The following ARL6IP6 variants were observed in gnomAD, a reference collection of about 807,000 sequenced individuals.
ARL6IP6 encodes ADP-ribosylation factor-like protein 6-interacting protein 6.
A neutral mutation model predicts 21.5 loss-of-function variants in ARL6IP6; 22 were observed. That is an observed-to-expected ratio of 1.02 (90% CI 0.73 to 1.46). The LOEUF is 1.46. Ranked by LOEUF, ARL6IP6 falls within the 40% of genes most tolerant of loss-of-function variation. The pLI is 0.00. For missense variants in ARL6IP6, 388 were observed against 299.8 expected (o/e 1.29, Z -2.17); for synonymous variants, 164 against 125.3 (o/e 1.31, Z -2.06).
At chr2:152,719,086 G>A in intron 1 of ARL6IP6, 62 bp downstream of exon 1, 1 of 1,437,584 alleles carries the variant, frequency 7.0e-7, no homozygotes, top group Non-Finnish European at 9.1e-7. Flanking sequence ...TGTGGCTCTC[G>A]TCTCCACCCA....
chr2:152,718,617 T>TA (rs1326029815), upstream of ARL6IP6: 1 of 1,514,236 alleles, frequency 6.6e-7, no homozygotes, highest in South Asian at 1.3e-5. Flanking sequence ...TTCGTTGTGT[T>TA]TCGCGCCATG....
At chr2:152,753,713 T>C (rs1354162415) in intron 3 of ARL6IP6, among the ~76,000 whole-genome samples, 2 of 150,506 alleles carry the variant, frequency 1.3e-5, no homozygotes, top group African/African-American at 4.9e-5. Context: ...TTTTTTTTTT[T>C]TTTTTTGACG....
chr2:152,757,438 A>T (rs62181164), intron 3 of ARL6IP6, among the ~76,000 whole-genome samples: 3,745 of 152,304 alleles, frequency 0.025, 80 homozygotes, highest in Non-Finnish European at 0.041. Flanking sequence ...TAGACATTGT[A>T]TTTAATTATC....
chr2:152,723,341 T>C (rs899457577), intron 2 of ARL6IP6, among the ~76,000 whole-genome samples: 1 of 152,232 alleles, frequency 6.6e-6, no homozygotes. Flanking sequence ...TATTTCACTA[T>C]TTATTTTGCC....
intron 2 of ARL6IP6, among the ~76,000 whole-genome samples, chr2:152,729,430 T>C (rs1700198952): frequency 6.6e-6 from 1 of 152,236 alleles, no homozygotes; most frequent in South Asian, 2.1e-4. Context: ...GAACGAAGGA[T>C]GTGTGTATTT....
At chr2:152,746,358 A>G (rs1033289438) in intron 3 of ARL6IP6, among the ~76,000 whole-genome samples, 4 of 152,074 alleles carry the variant, frequency 2.6e-5, no homozygotes, top group African/African-American at 4.8e-5. Flanking sequence ...AGTGTTATAT[A>G]TGAGTAGCTG....
chr2:152,740,231 A>G (rs1428201213), intron 3 of ARL6IP6, among the ~76,000 whole-genome samples: 2 of 152,092 alleles, frequency 1.3e-5, no homozygotes, highest in Admixed American at 1.3e-4. Flanking sequence ...ACCCTCTAAT[A>G]AGCTGGGACT....
At chr2:152,744,777 C>T (rs2105158227) in intron 3 of ARL6IP6, among the ~76,000 whole-genome samples, 1 of 152,118 alleles carries the variant, frequency 6.6e-6, no homozygotes, top group South Asian at 2.1e-4. Context: ...AGAAAACATG[C>T]TTTTAATTTA....
chr2:152,761,047 A>G lies in ARL6IP6; in HGVS notation c.*1207A>G, dbSNP rs1436580791. On this transcript the variant is annotated 3_prime_UTR_variant, in exon 4 of 4. Coordinates refer to ENST00000326446, the MANE Select transcript of ARL6IP6 (RefSeq NM_152522.7). ...AAAGCTGTTTTCCCTGGCCATAGGA[A>G]AACTTACAATAAGAAACCATTAAGT... The G allele has an allele frequency of 6.6e-6, 1 of 152,010 alleles. No individual in the cohort carries two copies. Among genetic ancestry groups the G allele is most frequent in the Non-Finnish European group, 1.5e-5 (1 of 68,016 alleles). 9.4% of individuals were successfully genotyped at this position (152,010 alleles called of 1,614,324 possible).
upstream of ARL6IP6, chr2:152,718,234 G>A: frequency 2.8e-6 from 1 of 353,016 alleles, no homozygotes; most frequent in Non-Finnish European, 4.1e-6. Context: ...CGGGCGCTAG[G>A]ACCCGGCGTC....
intron 2 of ARL6IP6, among the ~76,000 whole-genome samples, chr2:152,729,428 G>T (rs985502661): frequency 2.6e-5 from 4 of 152,092 alleles, no homozygotes; most frequent in Admixed American, 2.0e-4. Context: ...AAGAACGAAG[G>T]ATGTGTGTAT....
intron 3 of ARL6IP6, among the ~76,000 whole-genome samples, chr2:152,740,931 T>A (rs1700779171): frequency 6.6e-6 from 1 of 152,170 alleles, no homozygotes; most frequent in Admixed American, 6.5e-5. Context: ...AATGTCAGAT[T>A]AAGTATATTC....
chr2:152,749,311 A>AC (rs1491326525), intron 3 of ARL6IP6, among the ~76,000 whole-genome samples: 3 of 79,088 alleles, frequency 3.8e-5, no homozygotes, highest in Admixed American at 1.7e-4. Flanking sequence ...ACACACACAC[A>AC]AAAACACACA....
intron 3 of ARL6IP6, among the ~76,000 whole-genome samples, chr2:152,751,306 A>ATATC (rs1220589049): frequency 2.0e-5 from 3 of 152,228 alleles, no homozygotes; most frequent in African/African-American, 7.2e-5. Flanking sequence ...GCTAATTAGC[A>ATATC]TATCCATCAC....
At chr2:152,759,394 T>G (rs1346034094) in intron 3 of ARL6IP6, among the ~76,000 whole-genome samples, 1 of 152,164 alleles carries the variant, frequency 6.6e-6, no homozygotes, top group Non-Finnish European at 1.5e-5. Flanking sequence ...CGCTAATTAA[T>G]GAAAGAACTG....
intron 2 of ARL6IP6, among the ~76,000 whole-genome samples, chr2:152,729,650 AT>A (rs1241140415): frequency 2.0e-5 from 3 of 152,168 alleles, no homozygotes; most frequent in African/African-American, 7.2e-5. Flanking sequence ...AAAAAGCAAA[AT>A]GCAGAACCAT....
At chr2:152,724,671 G>A (rs1325142290) in intron 2 of ARL6IP6, among the ~76,000 whole-genome samples, 1 of 152,130 alleles carries the variant, frequency 6.6e-6, no homozygotes, top group Non-Finnish European at 1.5e-5. Flanking sequence ...TGGTTGGGAG[G>A]GACGTTTCTT....
intron 3 of ARL6IP6, among the ~76,000 whole-genome samples, chr2:152,740,834 T>TACAC (rs952008406): frequency 6.6e-6 from 1 of 151,958 alleles, no homozygotes; most frequent in Non-Finnish European, 1.5e-5. Flanking sequence ...GTGAAATATT[T>TACAC]ACACACACAC....
chr2:152,720,312 T>C (rs1231065489), intron 1 of ARL6IP6: 1 of 568,156 alleles, frequency 1.8e-6, no homozygotes, highest in African/African-American at 1.9e-5. Flanking sequence ...TAAACAGTAC[T>C]CTCATCCTAT....
Sources: allele counts gnomAD v4.1 joint callset (sites outside exome capture counted in the v4.1 genomes callset), GRCh38; gene constraint gnomAD v4.1.1; transcripts MANE v1.5; gene names NCBI Gene and HGNC (gene_info 2026-07-23, HGNC 2026-07-21).